The following EGFLAM variants were observed in gnomAD, a reference collection of about 807,000 sequenced individuals.
EGFLAM encodes EGF like, fibronectin type III and laminin G domains.
In EGFLAM, 79 loss-of-function variants were observed where a neutral mutation model predicts 113.1. The ratio of observed to expected loss-of-function variants is 0.70; its 90% CI spans 0.58 to 0.84. The LOEUF (loss-of-function observed/expected upper bound fraction) is 0.84, where lower values mean the gene tolerates loss of function less well. EGFLAM is among the 40% of genes least tolerant of loss of function. The probability of loss-of-function intolerance (pLI) is 0.00; values close to 1 mark genes in which losing one functional copy is unlikely to be tolerated. For missense variants in EGFLAM, 1,265 were observed against 1,291.6 expected, an observed-to-expected ratio of 0.98 and a Z score of 0.32; for synonymous variants, 504 against 487.6, an observed-to-expected ratio of 1.03 and a Z score of -0.44.
chr5:38,422,617 T>C (rs992138843), intron 12 of EGFLAM, among the ~76,000 whole-genome samples: 4 of 152,234 alleles, frequency 2.6e-5, no homozygotes, highest in African/African-American at 9.6e-5. Flanking sequence ...TACAATAATA[T>C]ATGTGCTCCT....
chr5:38,350,532 C>G lies in EGFLAM; in HGVS notation c.323C>G (p.Thr108Ser). ...GTGATTGGAGATTTGAAACCAGGCA[C>G]TGAATATCGTGTGAGCATAGCAGCT... ...EEVIGDLKPGTEYRVSIAAYS... is the reference protein window; with the variant it reads ...EEVIGDLKPGSEYRVSIAAYS... The change falls in exon 4 of 22, where the codon ACT becomes AGT. Residue 108 changes from threonine to serine, a missense_variant. By Grantham distance (58) the Thr-to-Ser change is moderately conservative (BLOSUM62 1). Coordinates refer to ENST00000322350, the MANE Select transcript of EGFLAM (RefSeq NM_152403.4). 6.2e-7 allele frequency: 1 copy of G among 1,613,884 alleles called. No individual in the cohort carries two copies. Among genetic ancestry groups the G allele is most frequent in the Non-Finnish European group, 8.5e-7 (1 of 1,179,878 alleles).
intron 19 of EGFLAM, among the ~76,000 whole-genome samples, chr5:38,456,082 G>T (rs1743076164): frequency 6.6e-6 from 1 of 152,150 alleles, no homozygotes; most frequent in South Asian, 2.1e-4. Flanking sequence ...CCAGTCCCTT[G>T]GGGTGCATTG....
intron 3 of EGFLAM, among the ~76,000 whole-genome samples, chr5:38,347,637 A>T (rs943960432): frequency 6.6e-6 from 1 of 152,170 alleles, no homozygotes; most frequent in African/African-American, 2.4e-5. Context: ...TGAATGGCAT[A>T]AATTTGAGCC....
chr5:38,419,103 A>G (rs1425705304), intron 12 of EGFLAM, among the ~76,000 whole-genome samples: 1 of 152,086 alleles, frequency 6.6e-6, no homozygotes, highest in African/African-American at 2.4e-5. Context: ...TCTTTCCTCC[A>G]TGTGTGCACA....
At chr5:38,304,026 G>A (rs1758662085) in intron 1 of EGFLAM, among the ~76,000 whole-genome samples, 1 of 151,910 alleles carries the variant, frequency 6.6e-6, no homozygotes, top group Admixed American at 6.6e-5. Flanking sequence ...CTACTCAGGA[G>A]GCGGAGGCAG....
intron 17 of EGFLAM, 30 bp from the exon 18 acceptor site, chr5:38,448,271 A>T: frequency 6.2e-7 from 1 of 1,613,410 alleles, no homozygotes; most frequent in South Asian, 1.1e-5. Context: ...ACCACATACT[A>T]TGTAACCTCC....
chr5:38,351,894 A>T (rs1430689676), intron 4 of EGFLAM, among the ~76,000 whole-genome samples: 1 of 152,168 alleles, frequency 6.6e-6, no homozygotes, highest in Admixed American at 6.5e-5. Context: ...GTGTCCCAGG[A>T]TCAGTGGCTG....
At position 38,396,072 on chromosome 5, in the gene EGFLAM, C is replaced by T. The variant is rs115891668; in HGVS notation, c.713-10054C>T. On this transcript the variant is annotated intron_variant, in intron 6 of 21. Coordinates refer to ENST00000322350, the MANE Select transcript of EGFLAM (RefSeq NM_152403.4). ...CACTGTACCCACTCTTTAAAAGCCT[C>T]CTATTCATTCTTCAACCCATCCCAA... is the stretch of plus-strand genomic sequence containing the variant. Among the ~76,000 whole-genome samples, 454 of 101,626 alleles carry T rather than the reference C, an allele frequency of 4.5e-3. 3 individuals carry two copies. Among genetic ancestry groups the T allele is most frequent in the Non-Finnish European group, 6.5e-3 (310 of 47,890 alleles). The allele number at this position is 101,626 out of a possible 152,430, so 66.7% of individuals were successfully genotyped here. A position where few individuals can be genotyped will look rare whatever the true frequency, so the allele number is the denominator to read the frequency against.
intron 3 of EGFLAM, among the ~76,000 whole-genome samples, chr5:38,343,019 A>T (rs567186135): frequency 2.6e-5 from 4 of 152,238 alleles, no homozygotes; most frequent in Admixed American, 2.0e-4. Flanking sequence ...AACTTACAGG[A>T]ATCAGAAGAC....
intron 2 of EGFLAM, 53 bp downstream of exon 2, chr5:38,337,682 G>A: frequency 1.4e-6 from 2 of 1,433,280 alleles, no homozygotes; most frequent in Non-Finnish European, 1.9e-6. Flanking sequence ...GTGACTGTAT[G>A]TCTTTCTCAT....
At chr5:38,323,771 A>G (rs1738800911) in intron 1 of EGFLAM, among the ~76,000 whole-genome samples, 1 of 152,096 alleles carries the variant, frequency 6.6e-6, no homozygotes. Flanking sequence ...TTTTTCGGCC[A>G]GGCACAGTGG....
In EGFLAM at chr5:38,258,617, G is replaced by C. The variant is rs1424141969; in HGVS notation, c.-138G>C. ...ACCTCTTGGAACTACCCGTGTTTCC[G>C]GGCCCAGCCCTCGCAGCCCCCCACC... On this transcript the variant is annotated 5_prime_UTR_variant, in exon 1 of 22. Transcript: ENST00000322350. The C allele has an allele frequency of 2.1e-6, 2 of 968,926 alleles. No individual in the cohort carries two copies. Among genetic ancestry groups the C allele is most frequent in the Non-Finnish European group, 3.2e-6 (2 of 629,626 alleles). The allele number at this position is 968,926 out of a possible 1,614,324, so 60.0% of individuals were successfully genotyped here. A position where few individuals can be genotyped will look rare whatever the true frequency, so the allele number is the denominator to read the frequency against.
chr5:38,260,770 G>A (rs1561252681), intron 1 of EGFLAM, among the ~76,000 whole-genome samples: 2 of 152,162 alleles, frequency 1.3e-5, no homozygotes, highest in African/African-American at 4.8e-5. Flanking sequence ...CATAACTTCA[G>A]GGGAAATTTC....
At chr5:38,335,084 T>C (rs1253323093) in intron 1 of EGFLAM, among the ~76,000 whole-genome samples, 4 of 152,190 alleles carry the variant, frequency 2.6e-5, no homozygotes, top group Admixed American at 2.6e-4. Context: ...AAGGTCGAGA[T>C]ACCATCTTGG....
chr5:38,405,145 A>T (rs1741242547), intron 6 of EGFLAM, among the ~76,000 whole-genome samples: 1 of 152,002 alleles, frequency 6.6e-6, no homozygotes, highest in Admixed American at 6.6e-5. Context: ...TGTTTTAAAG[A>T]CCTTTTAGTG....
chr5:38,381,858 A>G (rs781366125), intron 6 of EGFLAM, among the ~76,000 whole-genome samples: 19 of 152,312 alleles, frequency 1.2e-4, no homozygotes, highest in Admixed American at 5.2e-4. Flanking sequence ...GTAATCGCCA[A>G]ACTGGGTTTT....
At chr5:38,361,431 G>A (rs1739918290) in intron 5 of EGFLAM, among the ~76,000 whole-genome samples, 1 of 152,168 alleles carries the variant, frequency 6.6e-6, no homozygotes, top group South Asian at 2.1e-4. Context: ...GCTCCTTTGT[G>A]TGGAATATAG....
At chr5:38,406,395 G>A (rs1741285985) in intron 7 of EGFLAM, among the ~76,000 whole-genome samples, 154 bp downstream of exon 7, 1 of 152,170 alleles carries the variant, frequency 6.6e-6, no homozygotes, top group Non-Finnish European at 1.5e-5. Context: ...TCAGTCTCCA[G>A]GTGCTGATAA....
intron 1 of EGFLAM, among the ~76,000 whole-genome samples, chr5:38,260,401 C>T (rs2589788): frequency 0.23 from 34,994 of 152,102 alleles, 5,935 homozygotes; most frequent in African/African-American, 0.48. Flanking sequence ...TTTTAAAAAG[C>T]ATTTTATAAA....
Sources: allele counts gnomAD v4.1 joint callset (sites outside exome capture counted in the v4.1 genomes callset), GRCh38; gene constraint gnomAD v4.1.1; transcripts MANE v1.5; gene names NCBI Gene and HGNC (gene_info 2026-07-23, HGNC 2026-07-21).